The following LHFPL6 variants were observed in gnomAD, a reference collection of about 807,000 sequenced individuals.
The protein encoded by LHFPL6 is LHFPL tetraspan subfamily member 6 protein.
A neutral mutation model predicts 20.6 loss-of-function variants in LHFPL6; 9 were observed. The ratio of observed to expected loss-of-function variants is 0.44; its 90% CI spans 0.26 to 0.76. The LOEUF is 0.76. LHFPL6 is among the 30% of genes least tolerant of loss of function. The probability of loss-of-function intolerance (pLI) is 0.20; values close to 1 mark genes in which losing one functional copy is unlikely to be tolerated. For missense variants in LHFPL6, 218 were observed against 253.5 expected, an observed-to-expected ratio of 0.86 and a Z score of 0.95; for synonymous variants, 105 against 98.7, an observed-to-expected ratio of 1.06 and a Z score of -0.38.
intron 2 of LHFPL6, among the ~76,000 whole-genome samples, chr13:39,431,717 T>TGGGG (rs34788149): frequency 3.2e-4 from 31 of 95,940 alleles, no homozygotes; most frequent in African/African-American, 9.4e-4. Flanking sequence ...GTAGAATTTG[T>TGGGG]GGGGGGGGGG....
intron 2 of LHFPL6, among the ~76,000 whole-genome samples, chr13:39,380,020 G>T (rs1870396834): frequency 1.3e-5 from 2 of 152,188 alleles, no homozygotes; most frequent in Non-Finnish European, 2.9e-5. Context: ...AAATGTCCTA[G>T]TGGCCAATTT....
At chr13:39,352,270 G>T (rs2138337531) in intron 3 of LHFPL6, among the ~76,000 whole-genome samples, 1 of 152,308 alleles carries the variant, frequency 6.6e-6, no homozygotes, top group South Asian at 2.1e-4. Flanking sequence ...CCTTGACTCT[G>T]TGTGAGCCCT....
intron 3 of LHFPL6, among the ~76,000 whole-genome samples, chr13:39,346,888 A>C (rs1489883905): frequency 2.6e-5 from 4 of 151,868 alleles, no homozygotes; most frequent in African/African-American, 9.7e-5. Context: ...AGCCGGGCAA[A>C]TTTGATCAAG....
chr13:39,575,887 A>G (rs767428021), intron 2 of LHFPL6, among the ~76,000 whole-genome samples: 24 of 152,162 alleles, frequency 1.6e-4, no homozygotes, highest in Non-Finnish European at 2.6e-4. Context: ...CTGTGCTGAC[A>G]CGTCTGATTA....
chr13:39,599,289 C>G (rs2324351), intron 2 of LHFPL6, among the ~76,000 whole-genome samples: 150,110 of 152,374 alleles, frequency 0.99, 73,969 homozygotes, highest in Middle Eastern at 1. Context: ...GAAACACAAA[C>G]AGCAGACCAA....
intron 2 of LHFPL6, among the ~76,000 whole-genome samples, chr13:39,399,713 G>C (rs962511003): frequency 6.6e-6 from 1 of 152,210 alleles, no homozygotes; most frequent in Non-Finnish European, 1.5e-5. Context: ...TTTGTGGTAA[G>C]ATAAATTCTG....
intron 2 of LHFPL6, among the ~76,000 whole-genome samples, chr13:39,527,882 CTTCTAT>C (rs1363700756): frequency 1.3e-5 from 2 of 152,204 alleles, no homozygotes; most frequent in Non-Finnish European, 2.9e-5. Flanking sequence ...CTTCTAGCAA[CTTCTAT>C]TTCTAACTTA....
intron 3 of LHFPL6, among the ~76,000 whole-genome samples, chr13:39,370,643 A>G (rs1870140807): frequency 6.6e-6 from 1 of 152,248 alleles, no homozygotes; most frequent in Non-Finnish European, 1.5e-5. Context: ...CGCTCTCTGC[A>G]AACACTTGCT....
At chr13:39,458,882 C>A (rs938283813) in intron 2 of LHFPL6, among the ~76,000 whole-genome samples, 5 of 152,068 alleles carry the variant, frequency 3.3e-5, no homozygotes, top group African/African-American at 1.2e-4. Context: ...TAAGGAAATA[C>A]CGAAGAAATA....
chr13:39,545,543 G>A (rs924285512), intron 2 of LHFPL6, among the ~76,000 whole-genome samples: 3 of 151,994 alleles, frequency 2.0e-5, no homozygotes, highest in Non-Finnish European at 2.9e-5. Context: ...CCTTGACAAC[G>A]GAAATAATAA....
chr13:39,347,648 G>A (rs1356996388), intron 3 of LHFPL6, among the ~76,000 whole-genome samples: 1 of 152,148 alleles, frequency 6.6e-6, no homozygotes, highest in Admixed American at 6.6e-5. Flanking sequence ...ACTGGTAACC[G>A]AGTCCCCCTT....
In LHFPL6 at chr13:39,602,924, G is replaced by A. The variant is rs1321587940; in HGVS notation, c.-216C>T. 1 of 152,550 alleles carries A rather than the reference G, an allele frequency of 6.6e-6. No homozygotes were observed. The highest frequency in any genetic ancestry group is 1.9e-4 in the East Asian group (1 of 5,186). 9.4% of individuals were successfully genotyped at this position (152,550 alleles called of 1,614,324 possible). A position where few individuals can be genotyped will look rare whatever the true frequency, so the allele number is the denominator to read the frequency against. Reference sequence around the variant, plus strand: ...GGCCACCTTCCCTCCCGCGTCCCGGGCGCACACACAACTTGCTGTCTTTCT... The same window carrying A: ...GGCCACCTTCCCTCCCGCGTCCCGGACGCACACACAACTTGCTGTCTTTCT... On this transcript the variant is annotated 5_prime_UTR_variant, in exon 1 of 4. Transcript: ENST00000379589.
At chr13:39,347,526 G>A (rs1869442167) in intron 3 of LHFPL6, among the ~76,000 whole-genome samples, 1 of 152,188 alleles carries the variant, frequency 6.6e-6, no homozygotes, top group African/African-American at 2.4e-5. Context: ...CTCATCTAGA[G>A]AGTGTGCTAA....
intron 3 of LHFPL6, among the ~76,000 whole-genome samples, chr13:39,346,334 C>A (rs1488335682): frequency 6.6e-6 from 1 of 152,092 alleles, no homozygotes; most frequent in East Asian, 1.9e-4. Context: ...AGGTGTCATC[C>A]TTGATTTCTC....
chr13:39,453,272 A>G (rs1456622856), intron 2 of LHFPL6, among the ~76,000 whole-genome samples: 9 of 152,256 alleles, frequency 5.9e-5, no homozygotes, highest in Non-Finnish European at 7.3e-5. Context: ...TAAAATAAGC[A>G]ACATTTCATT....
intron 3 of LHFPL6, among the ~76,000 whole-genome samples, chr13:39,364,628 C>T (rs760789891): frequency 3.4e-4 from 51 of 152,144 alleles, no homozygotes; most frequent in African/African-American, 1.1e-3. Flanking sequence ...TTCTGTGGCC[C>T]GGTGGATAGT....
rs1157256625 is a variant in LHFPL6, at chr13:39,414,602, C to G, written c.386-36076G>C. Among the ~76,000 whole-genome samples the G allele has an allele frequency of 2.8e-5, 4 of 145,004 alleles. No individual in the cohort carries two copies. In the South Asian group the frequency reaches 6.7e-4, roughly 24 times the overall value. On this transcript the variant is annotated intron_variant, in intron 2 of 3. Coordinates refer to ENST00000379589, the MANE Select transcript of LHFPL6 (RefSeq NM_005780.3). The stretch of plus-strand genomic sequence containing the variant: ...TGGGGTACTGTTTTCACTTCTTCTT[C>G]TTATTTCTAGTTTAGTAAATTTCAC...
intron 3 of LHFPL6, among the ~76,000 whole-genome samples, chr13:39,366,473 C>A (rs1306862220): frequency 6.6e-6 from 1 of 152,274 alleles, no homozygotes; most frequent in African/African-American, 2.4e-5. Context: ...GGAATATGCA[C>A]TCGAGTTGTG....
At chr13:39,447,797 C>T (rs947593786) in intron 2 of LHFPL6, among the ~76,000 whole-genome samples, 1 of 152,170 alleles carries the variant, frequency 6.6e-6, no homozygotes, top group Non-Finnish European at 1.5e-5. Context: ...GGCCATTGCT[C>T]TTCTCCACCC....
Sources: allele counts gnomAD v4.1 joint callset (sites outside exome capture counted in the v4.1 genomes callset), GRCh38; gene constraint gnomAD v4.1.1; transcripts MANE v1.5; gene names NCBI Gene and HGNC (gene_info 2026-07-23, HGNC 2026-07-21).